Variants in ST8SIA1 observed in about 807,000 individuals in gnomAD.
The protein encoded by ST8SIA1 is alpha-N-acetylneuraminide alpha-2,8-sialyltransferase.
ST8SIA1 carries 16 observed loss-of-function variants against 35.9 expected under a neutral mutation model. The observed-to-expected ratio is 0.45, with a 90% CI of 0.30 to 0.68. The LOEUF (loss-of-function observed/expected upper bound fraction) is 0.68. Ranked by LOEUF, ST8SIA1 falls within the 30% of genes least tolerant of loss-of-function variation. The probability of loss-of-function intolerance (pLI) is 0.09; values close to 1 mark genes in which losing one functional copy is unlikely to be tolerated. For missense variants in ST8SIA1, 383 were observed against 453.6 expected, an observed-to-expected ratio of 0.84 and a Z score of 1.41; for synonymous variants, 170 against 169.6, an observed-to-expected ratio of 1.00 and a Z score of -0.02.
rs1441280191 is a variant in ST8SIA1 at position 22,195,198 on chromosome 12, A to AC, written c.*6353_*6354insG. Reference sequence around the variant, plus strand: ...AAAACTCTGTCTCAACAAAAAAAAAAAAAAAAAAAAAAAAGAAAGAAAGAA... The same window carrying AC: ...AAAACTCTGTCTCAACAAAAAAAAAACAAAAAAAAAAAAAAGAAAGAAAGAA... On this transcript the variant is annotated 3_prime_UTR_variant, in exon 5 of 5. Coordinates refer to ENST00000396037, the MANE Select transcript of ST8SIA1 (RefSeq NM_003034.4). 1 of 140,594 alleles carries AC rather than the reference A, an allele frequency of 7.1e-6. No homozygotes were observed. The highest frequency in any genetic ancestry group is 1.5e-5 in the Non-Finnish European group (1 of 65,290). 8.7% of individuals were successfully genotyped at this position (140,594 alleles called of 1,614,324 possible).
rs958523505 is a variant in ST8SIA1, at chr12:22,195,164, C to T, written c.*6388G>A. 5.7e-5 allele frequency: 3 copies of T among 52,434 alleles called. No individual in the cohort carries two copies. Among genetic ancestry groups the T allele is most frequent in the African/African-American group, 2.3e-4 (3 of 12,928 alleles). 3.2% of individuals were successfully genotyped at this position (52,434 alleles called of 1,614,324 possible). A position where few individuals can be genotyped will look rare whatever the true frequency, so the allele number is the denominator to read the frequency against. On this transcript the variant is annotated 3_prime_UTR_variant, in exon 5 of 5. Coordinates refer to ENST00000396037, the MANE Select transcript of ST8SIA1 (RefSeq NM_003034.4). ...CGCCATTGCACTCCAGCCTGGGCAA[C>T]AAGAGCAAAAAACTCTGTCTCAACA...
chr12:22,285,007 C>T lies in ST8SIA1; in HGVS notation c.381+2142G>A, dbSNP rs372168555. Among the ~76,000 whole-genome samples, 4 of 152,340 alleles carry T rather than the reference C, an allele frequency of 2.6e-5. No individual in the cohort carries two copies. In the East Asian group the frequency reaches 5.8e-4, roughly 22 times the overall value. ...GTTAAAGGAGATTGCTTCCTTATCTCTTCCTCATGCCACAACTAGTTTGTA... is the reference window on the plus strand; with the variant it reads ...GTTAAAGGAGATTGCTTCCTTATCTTTTCCTCATGCCACAACTAGTTTGTA... On this transcript the variant is annotated intron_variant, in intron 2 of 4. Coordinates refer to ENST00000396037, the MANE Select transcript of ST8SIA1 (RefSeq NM_003034.4).
chr12:22,333,864 G>A (rs777198750), intron 1 of ST8SIA1, 133 bp downstream of exon 1: 2 of 875,070 alleles, frequency 2.3e-6, no homozygotes, highest in South Asian at 1.3e-5. Flanking sequence ...CAAATGGAGG[G>A]AAAGGACATG....
chr12:22,218,566 C>T lies in ST8SIA1; in HGVS notation c.585-16528G>A, dbSNP rs891329500. Among the ~76,000 whole-genome samples the T allele has an allele frequency of 1.6e-4, 24 of 149,040 alleles. 1 individual carries two copies. The highest frequency in any genetic ancestry group is 8.0e-4 in the Admixed American group (12 of 14,976). ...CTGGGAGGCAGAGGTTGCAGTGGGC[C>T]GAGATCATGCCATTGCACTCCAGTC... On this transcript the variant is annotated intron_variant, in intron 4 of 4. Transcript: ENST00000396037.
At chr12:22,248,205 G>A (rs1865626701) in intron 4 of ST8SIA1, among the ~76,000 whole-genome samples, 1 of 152,142 alleles carries the variant, frequency 6.6e-6, no homozygotes, top group African/African-American at 2.4e-5. Flanking sequence ...TGATCACTTG[G>A]ACGGGACTTA....
intron 3 of ST8SIA1, among the ~76,000 whole-genome samples, chr12:22,251,238 G>A (rs139331971): frequency 2.4e-4 from 36 of 152,300 alleles, no homozygotes; most frequent in African/African-American, 5.1e-4. Context: ...AGTATTGCTG[G>A]AGAGTACTGT....
intron 1 of ST8SIA1, among the ~76,000 whole-genome samples, chr12:22,311,209 T>C (rs1665308928): frequency 6.6e-6 from 1 of 152,150 alleles, no homozygotes; most frequent in African/African-American, 2.4e-5. Context: ...AGATGCAGTT[T>C]CTGTCCATAA....
intron 4 of ST8SIA1, among the ~76,000 whole-genome samples, chr12:22,230,733 T>A (rs1205950590): frequency 6.6e-6 from 1 of 151,898 alleles, no homozygotes; most frequent in African/African-American, 2.4e-5. Context: ...TTGAATAGAG[T>A]AGAGACTAGA....
chr12:22,247,324 C>A (rs1269029675), intron 4 of ST8SIA1, among the ~76,000 whole-genome samples: 1 of 152,088 alleles, frequency 6.6e-6, no homozygotes, highest in Non-Finnish European at 1.5e-5. Flanking sequence ...TTATTTTATT[C>A]CTAAATCAAA....
chr12:22,314,022 A>T (rs942238938), intron 1 of ST8SIA1, among the ~76,000 whole-genome samples: 1 of 152,154 alleles, frequency 6.6e-6, no homozygotes, highest in Non-Finnish European at 1.5e-5. Context: ...TGTGGTCCTT[A>T]AAACCGTGAG....
intron 2 of ST8SIA1, among the ~76,000 whole-genome samples, chr12:22,268,770 G>A (rs1239120062): frequency 6.6e-6 from 1 of 152,138 alleles, no homozygotes; most frequent in East Asian, 1.9e-4. Context: ...TACATGTGGG[G>A]ATTATGGGAA....
intron 4 of ST8SIA1, among the ~76,000 whole-genome samples, chr12:22,232,142 T>G (rs1205261563): frequency 6.6e-6 from 1 of 152,070 alleles, no homozygotes; most frequent in Non-Finnish European, 1.5e-5. Flanking sequence ...ACGTGATTTG[T>G]AAAATCATGG....
rs181562183 is a variant in ST8SIA1 at position 22,302,076 on chromosome 12, T to C, written c.237-14783A>G. Reference sequence around the variant, plus strand: ...TTTGTCTTTAGTAAAAATAGGAAACTGGAGACAGAAAAATTATGTTTCAAA... The same window carrying C: ...TTTGTCTTTAGTAAAAATAGGAAACCGGAGACAGAAAAATTATGTTTCAAA... On this transcript the variant is annotated intron_variant, in intron 1 of 4. Coordinates refer to ENST00000396037, the MANE Select transcript of ST8SIA1 (RefSeq NM_003034.4). Among the ~76,000 whole-genome samples the C allele has an allele frequency of 1.4e-4, 21 of 152,282 alleles. No individual in the cohort carries two copies. In the East Asian group the frequency reaches 4.1e-3, roughly 29 times the overall value.
At chr12:22,215,667 C>A (rs1865226765) in intron 4 of ST8SIA1, among the ~76,000 whole-genome samples, 1 of 152,198 alleles carries the variant, frequency 6.6e-6, no homozygotes, top group Non-Finnish European at 1.5e-5. Context: ...ACATTCCTTG[C>A]ATGAAAAGAT....
At chr12:22,298,347 G>A (rs968960889) in intron 1 of ST8SIA1, among the ~76,000 whole-genome samples, 1 of 152,144 alleles carries the variant, frequency 6.6e-6, no homozygotes, top group Non-Finnish European at 1.5e-5. Context: ...ATCTAAAGTC[G>A]GGGGCAGTCT....
intron 1 of ST8SIA1, among the ~76,000 whole-genome samples, chr12:22,323,484 A>G (rs2135843108): frequency 6.6e-6 from 1 of 152,334 alleles, no homozygotes; most frequent in Non-Finnish European, 1.5e-5. Flanking sequence ...ATACCAATTG[A>G]CCCAGTAATC....
chr12:22,263,711 G>T (rs192094116), intron 2 of ST8SIA1, among the ~76,000 whole-genome samples: 153 of 152,248 alleles, frequency 1.0e-3, no homozygotes, highest in Non-Finnish European at 1.7e-3. Flanking sequence ...TTGACAGGAA[G>T]GGGGAGCAGG....
chr12:22,208,248 C>A (rs1467168404), intron 4 of ST8SIA1, among the ~76,000 whole-genome samples: 1 of 151,546 alleles, frequency 6.6e-6, no homozygotes, highest in African/African-American at 2.4e-5. Context: ...TAAAAATACA[C>A]ACACACTGCA....
At chr12:22,290,545 CAAGT>C (rs144255524) in intron 1 of ST8SIA1, among the ~76,000 whole-genome samples, 6,368 of 152,210 alleles carry the variant, frequency 0.042, 404 homozygotes, top group African/African-American at 0.14. Context: ...CACCAACAAG[CAAGT>C]GACTTCCTGT....
Sources: allele counts gnomAD v4.1 joint callset (sites outside exome capture counted in the v4.1 genomes callset), GRCh38; gene constraint gnomAD v4.1.1; transcripts MANE v1.5; gene names NCBI Gene and HGNC (gene_info 2026-07-23, HGNC 2026-07-21).